KCND2: variants seen among roughly 807,000 people sequenced by gnomAD.
KCND2 encodes the protein potassium voltage-gated channel subfamily D member 2.
A neutral mutation model predicts 54.4 loss-of-function variants in KCND2; 16 were observed. The observed-to-expected ratio is 0.29, with a 90% CI of 0.20 to 0.45. KCND2 has a LOEUF of 0.45. Ranked by LOEUF, KCND2 falls within the 20% of genes least tolerant of loss-of-function variation. The pLI, the probability that KCND2 is intolerant of heterozygous loss-of-function variation, is 1.00. For missense variants in KCND2, 486 were observed against 824.2 expected (o/e 0.59, Z 5.02); for synonymous variants, 317 against 310.7 (o/e 1.02, Z -0.21).
chr7:120,601,469 G>GTT (rs11431300), intron 1 of KCND2, among the ~76,000 whole-genome samples: 2,407 of 151,748 alleles, frequency 0.016, 53 homozygotes, highest in African/African-American at 0.055. Flanking sequence ...TAAGTAAGGC[G>GTT]TTTTTTTTGT....
chr7:120,606,855 T>C (rs1216913130), intron 1 of KCND2, among the ~76,000 whole-genome samples: 1 of 152,150 alleles, frequency 6.6e-6, no homozygotes, highest in Non-Finnish European at 1.5e-5. Flanking sequence ...GTTCTTGATT[T>C]TCAAAATTAT....
chr7:120,715,755 G>C (rs1792595186), intron 1 of KCND2, among the ~76,000 whole-genome samples: 1 of 151,996 alleles, frequency 6.6e-6, no homozygotes, highest in South Asian at 2.1e-4. Flanking sequence ...TATTATGTTT[G>C]AGTAGGTATA....
chr7:120,439,754 G>A (rs1409627118), intron 1 of KCND2, among the ~76,000 whole-genome samples: 1 of 151,958 alleles, frequency 6.6e-6, no homozygotes, highest in Non-Finnish European at 1.5e-5. Flanking sequence ...GAGAATATGA[G>A]GTATTGTTTA....
chr7:120,343,959 G>A (rs191228338), intron 1 of KCND2, among the ~76,000 whole-genome samples: 66 of 152,136 alleles, frequency 4.3e-4, no homozygotes, highest in African/African-American at 1.6e-3. Flanking sequence ...AAGTCTTTAC[G>A]ACTGCAAAGA....
intron 1 of KCND2, among the ~76,000 whole-genome samples, chr7:120,312,410 C>T (rs369054169): frequency 2.6e-5 from 4 of 151,730 alleles, no homozygotes; most frequent in African/African-American, 7.3e-5. Context: ...CCCAGTAATG[C>T]GATTGCTGGG....
chr7:120,622,307 G>A (rs992064245), intron 1 of KCND2, among the ~76,000 whole-genome samples: 1 of 152,248 alleles, frequency 6.6e-6, no homozygotes, highest in African/African-American at 2.4e-5. Flanking sequence ...GTTCAGAGAT[G>A]CATGAAGACT....
intron 1 of KCND2, among the ~76,000 whole-genome samples, chr7:120,406,065 T>C (rs16870497): frequency 0.059 from 8,914 of 152,066 alleles, 808 homozygotes; most frequent in African/African-American, 0.2. Context: ...TAGAATTCAG[T>C]TCTCATCACA....
chr7:120,322,389 T>C (rs1171747750), intron 1 of KCND2, among the ~76,000 whole-genome samples: 6 of 152,108 alleles, frequency 3.9e-5, no homozygotes, highest in Non-Finnish European at 8.8e-5. Flanking sequence ...ACATCCTCAG[T>C]GACAGGATAA....
intron 1 of KCND2, among the ~76,000 whole-genome samples, chr7:120,332,450 G>A (rs1800082374): frequency 6.6e-6 from 1 of 152,210 alleles, no homozygotes; most frequent in Non-Finnish European, 1.5e-5. Flanking sequence ...CAAAAAGTAG[G>A]TAGATGTGGT....
At chr7:120,542,917 C>A in intron 1 of KCND2, among the ~76,000 whole-genome samples, 1 of 152,046 alleles carries the variant, frequency 6.6e-6, no homozygotes, top group East Asian at 1.9e-4. Context: ...AAGGATTATT[C>A]TTGTTAACTG....
intron 1 of KCND2, among the ~76,000 whole-genome samples, chr7:120,357,101 T>C (rs1165975462): frequency 6.7e-6 from 1 of 148,842 alleles, no homozygotes. Flanking sequence ...TTCAGGTTAA[T>C]TTTTTTTCAC....
intron 1 of KCND2, among the ~76,000 whole-genome samples, chr7:120,408,227 T>C (rs1230637904): frequency 6.6e-6 from 1 of 151,902 alleles, no homozygotes; most frequent in Non-Finnish European, 1.5e-5. Context: ...ACTAATCAAT[T>C]TTGGAGAACA....
intron 1 of KCND2, among the ~76,000 whole-genome samples, chr7:120,366,681 T>C (rs1231139298): frequency 6.6e-6 from 1 of 152,150 alleles, no homozygotes; most frequent in Non-Finnish European, 1.5e-5. Context: ...CAATGCTCTG[T>C]GGTCAGAAAA....
Position 120,295,457 on chromosome 7 carries a change from T to TA in KCND2, c.1115+19714dup, listed in dbSNP as rs756440491. 2.0e-5 allele frequency among the ~76,000 whole-genome samples: 3 copies of TA among 149,388 alleles called. No homozygotes were observed. In the South Asian group the frequency reaches 6.3e-4, roughly 32 times the overall value. On this transcript the variant is annotated intron_variant, in intron 1 of 5. Coordinates refer to ENST00000331113, the MANE Select transcript of KCND2 (RefSeq NM_012281.3). ...CATTACAGTGCAAAGAGTAAGGTAA[T>TA]AAAACTTATGTCAGGAAATTATGGT...
chr7:120,515,582 C>T (rs1803183991), intron 1 of KCND2, among the ~76,000 whole-genome samples: 2 of 152,060 alleles, frequency 1.3e-5, no homozygotes, highest in Non-Finnish European at 2.9e-5. Flanking sequence ...CTGAGACCCA[C>T]ACCTTTGGAG....
intron 1 of KCND2, among the ~76,000 whole-genome samples, chr7:120,642,537 G>A (rs1200071785): frequency 6.7e-6 from 1 of 149,830 alleles, no homozygotes; most frequent in African/African-American, 2.5e-5. Flanking sequence ...CTGGGTGACA[G>A]ATTGATAATT....
chr7:120,730,437 A>G (rs1165711986), intron 1 of KCND2, among the ~76,000 whole-genome samples: 2 of 152,206 alleles, frequency 1.3e-5, no homozygotes, highest in South Asian at 2.1e-4. Context: ...TACAGTAAGA[A>G]TATCCCCAAG....
chr7:120,386,997 A>G (rs1022348712), intron 1 of KCND2, among the ~76,000 whole-genome samples: 1 of 152,254 alleles, frequency 6.6e-6, no homozygotes, highest in South Asian at 2.1e-4. Flanking sequence ...CATGAGCATC[A>G]TCACTTGCTT....
At chr7:120,724,163 G>A (rs1195774912) in intron 1 of KCND2, among the ~76,000 whole-genome samples, 1 of 152,140 alleles carries the variant, frequency 6.6e-6, no homozygotes, top group African/African-American at 2.4e-5. Flanking sequence ...ACTGGACAAG[G>A]TCTGTGCTAG....
Sources: gnomAD v4.1 joint callset for allele counts (sites outside exome capture counted in the v4.1 genomes callset) on GRCh38, gnomAD v4.1.1 for gene constraint, MANE v1.5 for transcripts, NCBI Gene and HGNC (gene_info 2026-07-23, HGNC 2026-07-21) for gene names.